Variants in HEPACAM2 observed in about 807,000 individuals in gnomAD.
HEPACAM2 encodes HEPACAM family member 2.
A neutral mutation model predicts 49.6 loss-of-function variants in HEPACAM2; 49 were observed. The ratio of observed to expected loss-of-function variants is 0.99; its 90% CI spans 0.78 to 1.25. The LOEUF (loss-of-function observed/expected upper bound fraction) is 1.25. Ranked by LOEUF, HEPACAM2 falls within the 50% of genes most tolerant of loss-of-function variation. HEPACAM2 has a pLI of 0.00. For missense variants in HEPACAM2, 525 were observed against 557.2 expected, an observed-to-expected ratio of 0.94 and a Z score of 0.58; for synonymous variants, 197 against 202.9, an observed-to-expected ratio of 0.97 and a Z score of 0.25.
At chr7:93,192,107 T>C (rs1197050806) in intron 9 of HEPACAM2, 147 bp downstream of exon 9, 11 of 522,272 alleles carry the variant, frequency 2.1e-5, no homozygotes, top group Admixed American at 3.6e-5. Flanking sequence ...AAAATTATGC[T>C]CAGGTGGGGA....
At chr7:93,189,394 C>A in intron 9 of HEPACAM2, 124 bp from the exon 10 acceptor site, 2 of 552,956 alleles carry the variant, frequency 3.6e-6, no homozygotes, top group African/African-American at 1.9e-5. Flanking sequence ...TTGGAGCTAG[C>A]TCAAGAAAAT....
chr7:93,220,835 G>A (rs1794435098), intron 1 of HEPACAM2, among the ~76,000 whole-genome samples: 1 of 152,246 alleles, frequency 6.6e-6, no homozygotes, highest in South Asian at 2.1e-4. Flanking sequence ...TATTTGCAGG[G>A]GGAAGAGAGT....
At chr7:93,215,007 A>G (rs1364714495) in intron 3 of HEPACAM2, among the ~76,000 whole-genome samples, 1 of 152,202 alleles carries the variant, frequency 6.6e-6, no homozygotes, top group East Asian at 1.9e-4. Flanking sequence ...AGAATAAAGT[A>G]TGTTAAATTC....
intron 1 of HEPACAM2, among the ~76,000 whole-genome samples, chr7:93,225,492 A>G (rs1794522501): frequency 6.6e-6 from 1 of 152,170 alleles, no homozygotes; most frequent in Non-Finnish European, 1.5e-5. Context: ...GTAAAGCTCT[A>G]AATAGCTGAA....
chr7:93,225,780 C>G (rs1794527260), intron 1 of HEPACAM2: 1 of 490,196 alleles, frequency 2.0e-6, no homozygotes, highest in Admixed American at 3.7e-5. Flanking sequence ...ATAGGACTAG[C>G]CATTGGGCAA....
chr7:93,222,982 A>T (rs1054978446), intron 1 of HEPACAM2, among the ~76,000 whole-genome samples: 1 of 152,194 alleles, frequency 6.6e-6, no homozygotes, highest in African/African-American at 2.4e-5. Flanking sequence ...ATCAAGGGGA[A>T]TGATGGAAGT....
At chr7:93,190,087 G>A (rs1793504407) in intron 9 of HEPACAM2, among the ~76,000 whole-genome samples, 1 of 151,936 alleles carries the variant, frequency 6.6e-6, no homozygotes, top group Non-Finnish European at 1.5e-5. Flanking sequence ...AAAAGATCGA[G>A]TCTTATTTAA....
At chr7:93,219,705 A>C in intron 1 of HEPACAM2, 1 of 536,086 alleles carries the variant, frequency 1.9e-6, no homozygotes, top group African/African-American at 1.9e-5. Flanking sequence ...ATTTTCTACG[A>C]TTGCTACGGA....
At position 93,194,114 on chromosome 7, in the gene HEPACAM2, A is replaced by G. The variant is rs1263047295; in HGVS notation, c.1275+1714T>C. Reference sequence around the variant, plus strand: ...GATAGAAATAAGCAGGGCTTCTACTATGTAATTAAAGCCCCTATTTCTCTG... The same window carrying G: ...GATAGAAATAAGCAGGGCTTCTACTGTGTAATTAAAGCCCCTATTTCTCTG... On this transcript the variant is annotated intron_variant, in intron 8 of 9. Transcript: ENST00000394468. Among the ~76,000 whole-genome samples the G allele has an allele frequency of 6.6e-5, 10 of 152,276 alleles. 1 individual carries two copies. The East Asian group carries it at 1.7e-3, about 26-fold the overall frequency.
chr7:93,226,361 G>A lies in HEPACAM2; in HGVS notation c.79+7C>T, dbSNP rs1794539936. On this transcript the variant is annotated splice_region_variant and intron_variant, in intron 1 of 9. Coordinates refer to ENST00000394468, the MANE Select transcript of HEPACAM2 (RefSeq NM_001039372.4). ...ACAGCTAAAACACAATTCACACAGG[G>A]CCTTACCGAAGAGAAGGAGGTATAT... 1 of 1,600,570 alleles carries A rather than the reference G, an allele frequency of 6.2e-7. No homozygotes were observed.
At chr7:93,214,340 T>G (rs1257098335) in intron 3 of HEPACAM2, among the ~76,000 whole-genome samples, 3 of 152,174 alleles carry the variant, frequency 2.0e-5, no homozygotes, top group Admixed American at 1.3e-4. Flanking sequence ...TGTTCACAAT[T>G]ACCAATTAAT....
chr7:93,189,388 A>G lies in HEPACAM2; in HGVS notation c.1386-118T>C, dbSNP rs1484763296. 3 of 570,410 alleles carry G rather than the reference A, an allele frequency of 5.3e-6. No homozygotes were observed. The Admixed American group carries it at 9.8e-5, about 19-fold the overall frequency. The allele number at this position is 570,410 out of a possible 1,614,324, so 35.3% of individuals were successfully genotyped here. On this transcript the variant is annotated intron_variant, in intron 9 of 9. Transcript: ENST00000394468. ...GGCTACAGATTAGAAGAATGTTTGG[A>G]GCTAGCTCAAGAAAATTACATTTAT...
At chr7:93,190,600 G>C (rs556752121) in intron 9 of HEPACAM2, among the ~76,000 whole-genome samples, 2 of 152,158 alleles carry the variant, frequency 1.3e-5, no homozygotes, top group South Asian at 4.1e-4. Flanking sequence ...GGAGGACCAT[G>C]TCCCAATAGC....
chr7:93,206,198 G>C (rs904353134), intron 4 of HEPACAM2, among the ~76,000 whole-genome samples: 1 of 152,044 alleles, frequency 6.6e-6, no homozygotes, highest in Admixed American at 6.6e-5. Flanking sequence ...ATGATACCAG[G>C]ATTGCTACTA....
intron 4 of HEPACAM2, chr7:93,205,495 G>A (rs1457883058): frequency 6.6e-6 from 1 of 152,106 alleles, no homozygotes; most frequent in Non-Finnish European, 1.5e-5. Context: ...AGAAGTAAGA[G>A]GTTAATCTCT....
chr7:93,212,059 C>A (rs962978865), intron 3 of HEPACAM2, among the ~76,000 whole-genome samples: 2 of 151,966 alleles, frequency 1.3e-5, no homozygotes, highest in African/African-American at 4.8e-5. Flanking sequence ...GACCCTGCAG[C>A]ATAATGGAGT....
At chr7:93,190,143 G>A (rs1793506209) in intron 9 of HEPACAM2, among the ~76,000 whole-genome samples, 1 of 151,996 alleles carries the variant, frequency 6.6e-6, no homozygotes, top group South Asian at 2.1e-4. Flanking sequence ...TGTTTGTGAA[G>A]TGATTATAAG....
intron 1 of HEPACAM2, among the ~76,000 whole-genome samples, chr7:93,220,202 C>T (rs1794419331): frequency 6.6e-6 from 1 of 152,096 alleles, no homozygotes; most frequent in South Asian, 2.1e-4. Flanking sequence ...GTTTCATGAA[C>T]AGAAAAGGGC....
intron 1 of HEPACAM2, among the ~76,000 whole-genome samples, chr7:93,219,744 TTAC>T (rs1794408355): frequency 6.6e-6 from 1 of 152,170 alleles, no homozygotes; most frequent in South Asian, 2.1e-4. Context: ...CTAAGAAAGT[TTAC>T]TACTTCTAAA....
Sources: gnomAD v4.1 joint callset for allele counts (sites outside exome capture counted in the v4.1 genomes callset) on GRCh38, gnomAD v4.1.1 for gene constraint, MANE v1.5 for transcripts, NCBI Gene and HGNC (gene_info 2026-07-23, HGNC 2026-07-21) for gene names.